Variants in CCSER1 observed in about 807,000 individuals in gnomAD.
CCSER1 encodes the protein serine-rich coiled-coil domain-containing protein 1.
CCSER1 carries 41 observed loss-of-function variants against 82.0 expected under a neutral mutation model. The observed-to-expected ratio is 0.50, with a 90% CI of 0.39 to 0.65. The LOEUF is 0.65. Ranked by LOEUF, CCSER1 falls within the 30% of genes least tolerant of loss-of-function variation. The pLI is 0.00. For synonymous variants in CCSER1, 414 were observed against 383.9 expected (o/e 1.08, Z -0.92); for missense variants, 1,119 against 1,064.2 (o/e 1.05, Z -0.72).
chr4:91,438,844 C>T (rs1037797201), intron 10 of CCSER1, among the ~76,000 whole-genome samples: 3 of 152,100 alleles, frequency 2.0e-5, no homozygotes, highest in Non-Finnish European at 4.4e-5. Flanking sequence ...GCAGAAGGCT[C>T]AGGAGCCAAT....
chr4:90,259,054 C>T (rs1052107481), intron 1 of CCSER1, among the ~76,000 whole-genome samples: 2 of 152,152 alleles, frequency 1.3e-5, no homozygotes, highest in Non-Finnish European at 2.9e-5. Context: ...AGCATTGAAT[C>T]TGCAGGTTGC....
intron 10 of CCSER1, among the ~76,000 whole-genome samples, chr4:91,158,652 C>G (rs993905688): frequency 6.6e-5 from 10 of 151,176 alleles, no homozygotes; most frequent in Admixed American, 6.6e-4. Flanking sequence ...GTGTGTCTCA[C>G]TGGGATGGAC....
intron 9 of CCSER1, among the ~76,000 whole-genome samples, chr4:91,077,736 A>G (rs1722159278): frequency 6.6e-6 from 1 of 152,000 alleles, no homozygotes; most frequent in Non-Finnish European, 1.5e-5. Flanking sequence ...AAATTGGGGC[A>G]CTCCCACCCC....
intron 10 of CCSER1, among the ~76,000 whole-genome samples, chr4:91,450,474 C>T (rs1755809450): frequency 6.6e-6 from 1 of 151,944 alleles, no homozygotes; most frequent in Admixed American, 6.6e-5. Flanking sequence ...ATATATAAAA[C>T]AACAGGTTTC....
chr4:90,227,227 T>C (rs1743337546), intron 1 of CCSER1, among the ~76,000 whole-genome samples: 1 of 152,218 alleles, frequency 6.6e-6, no homozygotes, highest in Non-Finnish European at 1.5e-5. Flanking sequence ...ATATGATCTG[T>C]AGTTTGTTTG....
At chr4:91,140,562 TATTA>T (rs2148928289) in intron 10 of CCSER1, among the ~76,000 whole-genome samples, 1 of 152,238 alleles carries the variant, frequency 6.6e-6, no homozygotes, top group South Asian at 2.1e-4. Flanking sequence ...TTCAAGAAAG[TATTA>T]ATTCATTATG....
At chr4:91,123,877 T>A (rs1245299554) in intron 10 of CCSER1, among the ~76,000 whole-genome samples, 2 of 151,836 alleles carry the variant, frequency 1.3e-5, no homozygotes, top group Non-Finnish European at 3.0e-5. Flanking sequence ...AATGATATAG[T>A]GTCATCCTAA....
chr4:90,704,614 T>G (rs534368436), intron 6 of CCSER1, among the ~76,000 whole-genome samples: 2 of 152,350 alleles, frequency 1.3e-5, no homozygotes, highest in Admixed American at 1.3e-4. Context: ...GGTATACCAA[T>G]CAGACCTAGA....
At chr4:91,162,921 C>T (rs956117219) in intron 10 of CCSER1, among the ~76,000 whole-genome samples, 6 of 152,004 alleles carry the variant, frequency 3.9e-5, no homozygotes, top group Non-Finnish European at 8.8e-5. Flanking sequence ...TTTTTTGTGT[C>T]TCTATCTCCT....
In CCSER1 at chr4:91,085,481, G is replaced by A. The variant is rs566045222; in HGVS notation, c.2173-469G>A. Among the ~76,000 whole-genome samples the A allele has an allele frequency of 1.7e-4, 26 of 152,200 alleles. No individual in the cohort carries two copies. The South Asian group carries it at 4.8e-3, about 28-fold the overall frequency. ...GGTATGCTAATAGAAGACAGAGAAA[G>A]CCCTTTGACAGGAAATAAAATCCTG... On this transcript the variant is annotated intron_variant, in intron 9 of 10. Coordinates refer to ENST00000509176, the MANE Select transcript of CCSER1 (RefSeq NM_001145065.2).
intron 10 of CCSER1, among the ~76,000 whole-genome samples, chr4:91,259,241 G>A (rs147660671): frequency 3.9e-4 from 59 of 152,124 alleles, no homozygotes; most frequent in African/African-American, 1.0e-3. Context: ...CAGATTTGTC[G>A]CTTCATTCCA....
At chr4:90,136,275 C>T (rs929396917) in intron 1 of CCSER1, among the ~76,000 whole-genome samples, 6 of 151,988 alleles carry the variant, frequency 3.9e-5, no homozygotes, top group African/African-American at 1.5e-4. Flanking sequence ...ATTGCATGAG[C>T]CTAGGAGTTC....
intron 10 of CCSER1, among the ~76,000 whole-genome samples, chr4:91,204,187 G>A (rs370655339): frequency 5.6e-4 from 85 of 151,834 alleles, no homozygotes; most frequent in African/African-American, 2.0e-3. Context: ...TGTCCTCAAC[G>A]GGGTGACTTA....
chr4:91,088,578 A>G (rs543933978), intron 10 of CCSER1, among the ~76,000 whole-genome samples: 1 of 152,210 alleles, frequency 6.6e-6, no homozygotes, highest in Non-Finnish European at 1.5e-5. Flanking sequence ...ATTGTGAAAT[A>G]TACAAAAATA....
At chr4:90,383,276 G>C (rs1342385201) in intron 3 of CCSER1, among the ~76,000 whole-genome samples, 1 of 152,086 alleles carries the variant, frequency 6.6e-6, no homozygotes, top group East Asian at 1.9e-4. Flanking sequence ...AAACAGCACA[G>C]TAAAGTATCA....
intron 8 of CCSER1, among the ~76,000 whole-genome samples, chr4:90,876,236 GATA>G (rs1366200008): frequency 2.0e-5 from 3 of 151,890 alleles, no homozygotes; most frequent in Non-Finnish European, 4.4e-5. Context: ...TAAGAATACT[GATA>G]ATAATTCCAC....
rs962112782 is a variant in CCSER1 at position 91,505,444 on chromosome 4, C to T, written c.2218-93128C>T. Among the ~76,000 whole-genome samples, 2 of 152,114 alleles carry T rather than the reference C, an allele frequency of 1.3e-5. 1 individual carries two copies. Among genetic ancestry groups the T allele is most frequent in the South Asian group, 4.1e-4 (2 of 4,830 alleles). On this transcript the variant is annotated intron_variant, in intron 10 of 10. Coordinates refer to ENST00000509176, the MANE Select transcript of CCSER1 (RefSeq NM_001145065.2). ...CTGTATAATAGAATGAATTATATTC[C>T]TTTGGGTATATACCCAGTAATGGGA...
At chr4:91,252,941 C>A (rs760426303) in intron 10 of CCSER1, among the ~76,000 whole-genome samples, 10 of 151,886 alleles carry the variant, frequency 6.6e-5, no homozygotes, top group Non-Finnish European at 1.3e-4. Flanking sequence ...TAAAGAAATA[C>A]CTCCTTATTA....
chr4:91,197,838 C>G (rs892845290), intron 10 of CCSER1, among the ~76,000 whole-genome samples: 2 of 151,886 alleles, frequency 1.3e-5, no homozygotes, highest in African/African-American at 4.8e-5. Flanking sequence ...ATAATTGCTT[C>G]TGTATTTGAC....
Sources: allele counts gnomAD v4.1 joint callset (sites outside exome capture counted in the v4.1 genomes callset), GRCh38; gene constraint gnomAD v4.1.1; transcripts MANE v1.5; gene names NCBI Gene and HGNC (gene_info 2026-07-23, HGNC 2026-07-21).